Variants in MYO3B observed in about 807,000 individuals in gnomAD.
The protein encoded by MYO3B is myosin IIIB.
Under a neutral mutation model 174.6 loss-of-function variants are expected in MYO3B, and 156 were observed. The ratio of observed to expected loss-of-function variants is 0.89; its 90% confidence interval spans 0.78 to 1.02. The LOEUF is 1.02. Ranked by LOEUF, MYO3B falls within the 50% of genes least tolerant of loss-of-function variation. The pLI is 0.00. For missense variants in MYO3B, 1,632 were observed against 1,639.4 expected (o/e 1.00, Z 0.08); for synonymous variants, 563 against 569.1 (o/e 0.99, Z 0.15).
At position 170,403,053 on chromosome 2, in the gene MYO3B, C is replaced by T. The variant is rs2094488347; in HGVS notation, c.2277+58C>T. 9.3e-6 allele frequency: 14 copies of T among 1,498,806 alleles called. No individual in the cohort carries two copies. The South Asian group carries it at 1.6e-4, about 17-fold the overall frequency. 92.8% of individuals were successfully genotyped at this position (1,498,806 alleles called of 1,614,324 possible). A position where few individuals can be genotyped will look rare whatever the true frequency, so the allele number is the denominator to read the frequency against. ...TGGGGAAAAGGTGTCTCCAAGCTGCCCACAATTTGTAGCAGAAACCCTGTA... is the reference window on the plus strand; with the variant it reads ...TGGGGAAAAGGTGTCTCCAAGCTGCTCACAATTTGTAGCAGAAACCCTGTA... On this transcript the variant is annotated intron_variant, in intron 19 of 34. Transcript: ENST00000408978.
intron 7 of MYO3B, among the ~76,000 whole-genome samples, chr2:170,272,666 G>T (rs557171876): frequency 1.3e-5 from 2 of 152,286 alleles, no homozygotes; most frequent in South Asian, 4.1e-4. Flanking sequence ...CAACAGTGTT[G>T]GGAGGTGGGG....
chr2:170,553,669 G>A (rs1020608384), intron 32 of MYO3B, among the ~76,000 whole-genome samples: 4 of 152,190 alleles, frequency 2.6e-5, no homozygotes, highest in Non-Finnish European at 5.9e-5. Flanking sequence ...GGACTCTTGG[G>A]AAGGCATGAT....
In MYO3B at chr2:170,381,973, T is replaced by A. The variant is rs780319920; in HGVS notation, c.972-43T>A. 1.9e-5 allele frequency: 29 copies of A among 1,523,214 alleles called. No individual in the cohort carries two copies. The East Asian group carries it at 5.7e-4, about 30-fold the overall frequency. 94.4% of individuals were successfully genotyped at this position (1,523,214 alleles called of 1,614,324 possible). On this transcript the variant is annotated intron_variant, in intron 9 of 34. Coordinates refer to ENST00000408978, the MANE Select transcript of MYO3B (RefSeq NM_138995.5). ...GCTTGCTGCCCGCTTTCTGCTACAT[T>A]ATTTGCTGTCTTAATGCTTAAACTC... is the stretch of plus-strand genomic sequence containing the variant.
chr2:170,420,490 GT>G (rs2094607589), intron 22 of MYO3B, among the ~76,000 whole-genome samples: 1 of 152,152 alleles, frequency 6.6e-6, no homozygotes, highest in Non-Finnish European at 1.5e-5. Flanking sequence ...AGGCTGGCAG[GT>G]TCTGTCACTA....
At chr2:170,239,448 T>C (rs1173406197) in intron 7 of MYO3B, among the ~76,000 whole-genome samples, 1 of 152,238 alleles carries the variant, frequency 6.6e-6, no homozygotes, top group African/African-American at 2.4e-5. Context: ...GTGGGTTCAC[T>C]GGTCAGTCAC....
rs56807707 is a variant in MYO3B, at chr2:170,563,119, T to TACAC, written c.3733+19155_3733+19158dup. Among the ~76,000 whole-genome samples, 639 of 110,440 alleles carry TACAC rather than the reference T, an allele frequency of 5.8e-3. 2 individuals carry two copies. The highest frequency in any genetic ancestry group is 0.01 in the African/African-American group (368 of 36,002). 72.5% of individuals were successfully genotyped at this position (110,440 alleles called of 152,430 possible). A position where few individuals can be genotyped will look rare whatever the true frequency, so the allele number is the denominator to read the frequency against. ...TCTTTCTCTCTCTCTCTCTCACACA[T>TACAC]ACACACACACACACACACACACACA... On this transcript the variant is annotated intron_variant, in intron 32 of 34. Transcript: ENST00000408978.
At chr2:170,520,748 A>G (rs1688627635) in intron 30 of MYO3B, among the ~76,000 whole-genome samples, 1 of 152,086 alleles carries the variant, frequency 6.6e-6, no homozygotes, top group South Asian at 2.1e-4. Context: ...ATGTAGGCTC[A>G]AGACACTTTA....
chr2:170,248,676 C>G (rs1011203), intron 7 of MYO3B, among the ~76,000 whole-genome samples: 1 of 152,054 alleles, frequency 6.6e-6, no homozygotes, highest in African/African-American at 2.4e-5. Flanking sequence ...CTTTCTCACA[C>G]TGCACCACTC....
chr2:170,565,865 T>G (rs1358038126), intron 32 of MYO3B, among the ~76,000 whole-genome samples: 1 of 152,228 alleles, frequency 6.6e-6, no homozygotes, highest in Non-Finnish European at 1.5e-5. Flanking sequence ...GTTATCTGAT[T>G]GATAAGCATA....
chr2:170,580,365 C>T (rs973011849), intron 32 of MYO3B, among the ~76,000 whole-genome samples: 1 of 152,196 alleles, frequency 6.6e-6, no homozygotes, highest in Non-Finnish European at 1.5e-5. Context: ...AGGCCAGGCA[C>T]AGTGGCTCAT....
chr2:170,269,676 T>C (rs574406002), intron 7 of MYO3B, among the ~76,000 whole-genome samples: 3 of 152,294 alleles, frequency 2.0e-5, no homozygotes, highest in Admixed American at 6.5e-5. Context: ...TCTCTTAATA[T>C]TAGGAAAAAC....
intron 8 of MYO3B, among the ~76,000 whole-genome samples, chr2:170,367,932 C>G (rs2094210906): frequency 6.6e-6 from 1 of 152,182 alleles, no homozygotes; most frequent in African/African-American, 2.4e-5. Context: ...GTTGGCTTTT[C>G]TGGCTGAAAG....
At chr2:170,499,200 T>C (rs1687066231) in intron 26 of MYO3B, among the ~76,000 whole-genome samples, 1 of 152,194 alleles carries the variant, frequency 6.6e-6, no homozygotes, top group African/African-American at 2.4e-5. Flanking sequence ...AGCCTCTGCC[T>C]GAGTGACGAT....
At chr2:170,243,125 G>C (rs1574643163) in intron 7 of MYO3B, among the ~76,000 whole-genome samples, 1 of 152,196 alleles carries the variant, frequency 6.6e-6, no homozygotes, top group African/African-American at 2.4e-5. Flanking sequence ...GTTTGTATCA[G>C]TTAACTACTA....
At chr2:170,223,769 A>G (rs2092924926) in intron 6 of MYO3B, among the ~76,000 whole-genome samples, 1 of 152,224 alleles carries the variant, frequency 6.6e-6, no homozygotes, top group African/African-American at 2.4e-5. Context: ...AATTAAACTC[A>G]GTGTTTGTAA....
At chr2:170,325,144 G>A (rs1574787816) in intron 7 of MYO3B, among the ~76,000 whole-genome samples, 1 of 152,026 alleles carries the variant, frequency 6.6e-6, no homozygotes, top group African/African-American at 2.4e-5. Flanking sequence ...GTATTCTTTA[G>A]AACTCTCTTT....
At chr2:170,262,264 T>C (rs2093351067) in intron 7 of MYO3B, among the ~76,000 whole-genome samples, 1 of 152,168 alleles carries the variant, frequency 6.6e-6, no homozygotes, top group Non-Finnish European at 1.5e-5. Context: ...GGAATAGCTG[T>C]GCAAAAGTGG....
chr2:170,486,879 C>T (rs79987460), intron 25 of MYO3B, among the ~76,000 whole-genome samples: 2 of 152,188 alleles, frequency 1.3e-5, no homozygotes, highest in Admixed American at 6.5e-5. Context: ...GCATCTACCC[C>T]GGTTCTACCC....
intron 30 of MYO3B, among the ~76,000 whole-genome samples, chr2:170,541,653 C>T (rs566191720): frequency 2.0e-5 from 3 of 152,076 alleles, no homozygotes; most frequent in Admixed American, 6.6e-5. Context: ...TACATGGCCC[C>T]GCATTTTGTG....
Sources: allele counts gnomAD v4.1 joint callset (sites outside exome capture counted in the v4.1 genomes callset), GRCh38; gene constraint gnomAD v4.1.1; transcripts MANE v1.5; gene names NCBI Gene and HGNC (gene_info 2026-07-23, HGNC 2026-07-21).